Variants in CERK observed in about 807,000 individuals in gnomAD.
CERK encodes the protein acylsphingosine kinase.
A neutral mutation model predicts 63.4 loss-of-function variants in CERK; 39 were observed. The ratio of observed to expected loss-of-function variants is 0.61; its 90% CI spans 0.48 to 0.80. CERK has a LOEUF of 0.80. Ranked by LOEUF, CERK falls within the 30% of genes least tolerant of loss-of-function variation. CERK has a pLI of 0.00. For missense variants in CERK, 670 were observed against 714.1 expected, an observed-to-expected ratio of 0.94 and a Z score of 0.70; for synonymous variants, 302 against 280.0, an observed-to-expected ratio of 1.08 and a Z score of -0.78.
chr22:46,704,248 G>A (rs766546442), intron 6 of CERK, among the ~76,000 whole-genome samples: 16 of 152,170 alleles, frequency 1.1e-4, no homozygotes, highest in Non-Finnish European at 1.8e-4. Context: ...GCATCCCCAC[G>A]AGCACTCCTG....
intron 3 of CERK, among the ~76,000 whole-genome samples, chr22:46,718,000 G>C (rs1438710402): frequency 6.6e-6 from 1 of 152,128 alleles, no homozygotes; most frequent in Non-Finnish European, 1.5e-5. Flanking sequence ...AGAATCGCTT[G>C]AACCCAGGAG....
At chr22:46,688,195 T>TA (rs896293523) in intron 12 of CERK, among the ~76,000 whole-genome samples, 8 of 151,752 alleles carry the variant, frequency 5.3e-5, no homozygotes, top group South Asian at 4.1e-4. Context: ...TCTCAAAAAA[T>TA]AAAAAAATAG....
intron 12 of CERK, among the ~76,000 whole-genome samples, 153 bp from the exon 13 acceptor site, chr22:46,687,359 G>T (rs1418081750): frequency 6.6e-6 from 1 of 152,002 alleles, no homozygotes; most frequent in South Asian, 2.1e-4. Flanking sequence ...CTGAAGTGGG[G>T]GTCCATCCCC....
intron 12 of CERK, among the ~76,000 whole-genome samples, chr22:46,687,560 G>A (rs777899261): frequency 1.3e-5 from 2 of 152,214 alleles, no homozygotes; most frequent in African/African-American, 4.8e-5. Context: ...CAGAGCGTCC[G>A]CTCCAGTGTC....
Position 46,707,984 on chromosome 22 carries a change from C to G in CERK, c.574G>C (p.Val192Leu). The G allele has an allele frequency of 1.2e-6, 2 of 1,604,014 alleles. No homozygotes were observed. Among genetic ancestry groups the G allele is most frequent in the East Asian group, 4.5e-5 (2 of 44,566 alleles). ...AACATACCATCTCCGCCGACACAGA[C>G]GATGCTGCAGGAGGAACACAGCCGG... ...EINIDKYDGIVCVGGDGMFSE... is the reference protein window; with the variant it reads ...EINIDKYDGILCVGGDGMFSE... The change falls in exon 6 of 13, where the codon GTC becomes CTC. Residue 192 changes from valine to leucine, a missense_variant. Val to Leu is a conservative substitution (Grantham distance 32). Coordinates refer to ENST00000216264, the MANE Select transcript of CERK (RefSeq NM_022766.6).
Position 46,738,182 on chromosome 22 carries a change from C to T in CERK, c.-34G>A, listed in dbSNP as rs988617023. On this transcript the variant is annotated 5_prime_UTR_variant, in exon 1 of 13. Transcript: ENST00000216264. ...CCGGGCTCGTCCGCCAGGCTGGGGG[C>T]GCGCGGACGCCGAGGGGCGCCGGAC... 3 of 1,121,518 alleles carry T rather than the reference C, an allele frequency of 2.7e-6. No homozygotes were observed. Among genetic ancestry groups the T allele is most frequent in the South Asian group, 3.5e-5 (1 of 28,570 alleles). The allele number at this position is 1,121,518 out of a possible 1,614,324, so 69.5% of individuals were successfully genotyped here. A position where few individuals can be genotyped will look rare whatever the true frequency, so the allele number is the denominator to read the frequency against.
At chr22:46,706,884 A>C (rs890489768) in intron 6 of CERK, among the ~76,000 whole-genome samples, 1 of 152,158 alleles carries the variant, frequency 6.6e-6, no homozygotes, top group Non-Finnish European at 1.5e-5. Flanking sequence ...AGGAGTAATG[A>C]CTTAAGTTTA....
intron 5 of CERK, among the ~76,000 whole-genome samples, chr22:46,710,391 C>T (rs1031064067): frequency 6.6e-6 from 1 of 150,530 alleles, no homozygotes; most frequent in Non-Finnish European, 1.5e-5. Flanking sequence ...CACGCCATTG[C>T]ACTCCAGCCT....
At chr22:46,730,841 G>A (rs2146594919) in intron 1 of CERK, among the ~76,000 whole-genome samples, 2 of 152,372 alleles carry the variant, frequency 1.3e-5, no homozygotes, top group African/African-American at 2.4e-5. Flanking sequence ...TGGAACTGGA[G>A]CAGCCTGAAA....
Position 46,711,259 on chromosome 22 carries a change from A to G in CERK, c.506-110T>C, listed in dbSNP as rs1014210971. 1.9e-5 allele frequency: 15 copies of G among 786,648 alleles called. No homozygotes were observed. In the Middle Eastern group the frequency reaches 7.8e-4, roughly 41 times the overall value. 48.7% of individuals were successfully genotyped at this position (786,648 alleles called of 1,614,324 possible). A position where few individuals can be genotyped will look rare whatever the true frequency, so the allele number is the denominator to read the frequency against. ...GAGTTCCTGTAACACCTTCAGGCGG[A>G]TTTCCTAGATAAAATTCCCTCTTCA... is the stretch of plus-strand genomic sequence containing the variant. On this transcript the variant is annotated intron_variant, in intron 4 of 12. Transcript: ENST00000216264.
chr22:46,713,004 C>T (rs943761244), intron 3 of CERK, among the ~76,000 whole-genome samples: 1 of 151,922 alleles, frequency 6.6e-6, no homozygotes, highest in African/African-American at 2.4e-5. Flanking sequence ...GCCACCACGC[C>T]CGGCTAATTT....
intron 10 of CERK, 90 bp from the exon 11 acceptor site, chr22:46,691,867 C>T (rs2146542997): frequency 2.1e-6 from 2 of 933,414 alleles, no homozygotes; most frequent in East Asian, 5.2e-5. Flanking sequence ...TTCGGGCTCT[C>T]ACCTGCTCAT....
At chr22:46,707,659 G>C (rs1050922816) in intron 6 of CERK, among the ~76,000 whole-genome samples, 184 bp downstream of exon 6, 1 of 152,206 alleles carries the variant, frequency 6.6e-6, no homozygotes, top group African/African-American at 2.4e-5. Flanking sequence ...CTTTCCACGA[G>C]TGTCTATTTC....
chr22:46,694,280 T>A (rs575235824), intron 9 of CERK, among the ~76,000 whole-genome samples: 2 of 152,210 alleles, frequency 1.3e-5, no homozygotes, highest in South Asian at 4.1e-4. Flanking sequence ...CCATGGTCAC[T>A]AGGGAGGTCA....
At chr22:46,699,526 C>T (rs941455964) in intron 7 of CERK, 61 bp from the exon 8 acceptor site, 53 of 1,528,564 alleles carry the variant, frequency 3.5e-5, no homozygotes, top group Non-Finnish European at 4.7e-5. Context: ...CCATCCACTC[C>T]ATCCCCTTCA....
intron 1 of CERK, among the ~76,000 whole-genome samples, chr22:46,724,084 C>T (rs1256901050): frequency 6.6e-6 from 1 of 152,184 alleles, no homozygotes; most frequent in Non-Finnish European, 1.5e-5. Context: ...TCCACCACCG[C>T]TAAGACAGCA....
At chr22:46,715,491 G>A (rs1223987517) in intron 3 of CERK, among the ~76,000 whole-genome samples, 1 of 152,114 alleles carries the variant, frequency 6.6e-6, no homozygotes, top group Non-Finnish European at 1.5e-5. Context: ...AGACTTTCCC[G>A]TAAATGCCAC....
Position 46,696,473 on chromosome 22 carries a change from G to A in CERK, c.944-1158C>T, listed in dbSNP as rs1441584332. Among the ~76,000 whole-genome samples, 6 of 152,328 alleles carry A rather than the reference G, an allele frequency of 3.9e-5. No individual in the cohort carries two copies. The East Asian group carries it at 1.2e-3, about 29-fold the overall frequency. ...TCTCTCAAGTGCAGGGGGCAGGGGGGCAGCTGCCTCATCACCCAGACGCAG... is the reference window on the plus strand; with the variant it reads ...TCTCTCAAGTGCAGGGGGCAGGGGGACAGCTGCCTCATCACCCAGACGCAG... On this transcript the variant is annotated intron_variant, in intron 8 of 12. Transcript: ENST00000216264.
At position 46,738,038 on chromosome 22, in the gene CERK, G is replaced by A. The variant is rs1351783856; in HGVS notation, c.111C>T (p.Ser37=). 1.7e-6 allele frequency: 2 copies of A among 1,204,910 alleles called. No homozygotes were observed. Among genetic ancestry groups the A allele is most frequent in the Non-Finnish European group, 1.0e-6 (1 of 972,396 alleles). 74.6% of individuals were successfully genotyped at this position (1,204,910 alleles called of 1,614,324 possible). A position where few individuals can be genotyped will look rare whatever the true frequency, so the allele number is the denominator to read the frequency against. Residue 37 remains serine (S), a synonymous_variant, in exon 1 of 13, where the codon AGC becomes AGT. Transcript: ENST00000216264. Reference sequence around the variant, plus strand: ...CGGGGGCGCCGGCTCCGGGCCCCGGGCTCCGCCACCAGCGCAGCAGAGCCC... The same window carrying A: ...CGGGGGCGCCGGCTCCGGGCCCCGGACTCCGCCACCAGCGCAGCAGAGCCC... The part of the protein sequence containing the change: ...PARALLRWWR[S]PGPGAGAPGA...
Sources: gnomAD v4.1 joint callset for allele counts (sites outside exome capture counted in the v4.1 genomes callset) on GRCh38, gnomAD v4.1.1 for gene constraint, MANE v1.5 for transcripts, NCBI Gene and HGNC (gene_info 2026-07-23, HGNC 2026-07-21) for gene names.